CHD1: variants seen among roughly 807,000 people sequenced by gnomAD.
The protein encoded by CHD1 is chromodomain helicase DNA binding protein 1.
In CHD1, 36 loss-of-function variants were observed where a neutral mutation model predicts 224.2. The observed-to-expected ratio is 0.16, with a 90% CI of 0.12 to 0.21. The LOEUF is 0.21. Ranked by LOEUF, CHD1 falls within the 10% of genes least tolerant of loss-of-function variation. The pLI, the probability that CHD1 is intolerant of heterozygous loss-of-function variation, is 1.00. For missense variants in CHD1, 1,378 were observed against 1,994.8 expected, an observed-to-expected ratio of 0.69 and a Z score of 5.89; for synonymous variants, 668 against 658.3, an observed-to-expected ratio of 1.01 and a Z score of -0.23.
rs374390780 is a variant in CHD1 at position 98,883,240 on chromosome 5, G to A, written c.2569-3C>T. 6.0e-5 allele frequency: 94 copies of A among 1,570,746 alleles called. No homozygotes were observed. Among genetic ancestry groups the A allele is most frequent in the Non-Finnish European group, 7.8e-5 (91 of 1,164,450 alleles). On this transcript the variant is annotated splice_polypyrimidine_tract_variant and splice_region_variant and intron_variant, in intron 18 of 35. Coordinates refer to ENST00000614616, the MANE Select transcript of CHD1 (RefSeq NM_001270.4). ...GTGGACAGCAAAAAGCAAAAATCCT[G>A]TAAGAAATTGAATAATCAAAATGAA... is the stretch of plus-strand genomic sequence containing the variant.
intron 17 of CHD1, 153 bp from the exon 18 acceptor site, chr5:98,885,802 C>A: frequency 3.5e-6 from 2 of 575,296 alleles, no homozygotes; most frequent in Non-Finnish European, 6.2e-6. Flanking sequence ...AATGCTCAGG[C>A]ATTCTGTCTT....
At position 98,905,018 on chromosome 5, in the gene CHD1, C is replaced by T. The variant is rs1468517171; in HGVS notation, c.134G>A (p.Ser45Asn). The T allele has an allele frequency of 1.0e-5, 16 of 1,558,782 alleles. No homozygotes were observed. In the East Asian group the frequency reaches 3.1e-4, roughly 31 times the overall value. The change falls in exon 3 of 36, where the codon AGC becomes AAC. Residue 45 changes from serine (S) to asparagine (N), a missense_variant. Physicochemically the swap from Ser to Asn is conservative, Grantham distance 46. Around this residue, in one of 16 missense-constraint regions of CHD1, gnomAD observed 306 missense variants for 298.1 expected, o/e 1.03. Coordinates refer to ENST00000614616, the MANE Select transcript of CHD1 (RefSeq NM_001270.4). ...GTCAGAGTCACTGCTACCTGACTGG[C>T]TACTGCTTCCATCACTACTGCTTCC... The part of the protein sequence containing the change: ...SSGSSSDGSS[S>N]QSGSSDSDSG...
In CHD1 at chr5:98,928,701, G is replaced by C. The variant is rs1035821167; in HGVS notation, c.-311C>G. 1.3e-5 allele frequency: 2 copies of C among 153,874 alleles called. No homozygotes were observed. Among genetic ancestry groups the C allele is most frequent in the Admixed American group, 6.5e-5 (1 of 15,280 alleles). 9.5% of individuals were successfully genotyped at this position (153,874 alleles called of 1,614,324 possible). ...GGACAGACGCGGAGGGGAAGGGGAA[G>C]CCCCGGTCCGCAGCACCAACGCGCG... On this transcript the variant is annotated 5_prime_UTR_variant, in exon 1 of 36. Coordinates refer to ENST00000614616, the MANE Select transcript of CHD1 (RefSeq NM_001270.4).
In CHD1 at chr5:98,885,663, CATTAA is replaced by C. The variant is rs1580427377; in HGVS notation, c.2497-19_2497-15del. 3 of 1,388,192 alleles carry C rather than the reference CATTAA, an allele frequency of 2.2e-6. No homozygotes were observed. Among genetic ancestry groups the C allele is most frequent in the Non-Finnish European group, 3.0e-6 (3 of 1,001,246 alleles). 86.0% of individuals were successfully genotyped at this position (1,388,192 alleles called of 1,614,324 possible). A position where few individuals can be genotyped will look rare whatever the true frequency, so the allele number is the denominator to read the frequency against. On this transcript the variant is annotated splice_polypyrimidine_tract_variant and intron_variant, in intron 17 of 35. Transcript: ENST00000614616. Reference sequence around the variant, plus strand: ...TCCATCTAATCTCTAGAAAAAAACACATTAAAATACTGCATAAACAGAATCAAAGT... The same window carrying C: ...TCCATCTAATCTCTAGAAAAAAACACAATACTGCATAAACAGAATCAAAGT...
At chr5:98,869,578 AATT>A in intron 30 of CHD1, 173 bp downstream of exon 30, 1 of 641,466 alleles carries the variant, frequency 1.6e-6, no homozygotes, top group East Asian at 3.0e-5. Flanking sequence ...TCTGTTCTAT[AATT>A]GAGACTGTTA....
At chr5:98,905,434 G>C (rs1240814496) in intron 2 of CHD1, among the ~76,000 whole-genome samples, 1 of 152,170 alleles carries the variant, frequency 6.6e-6, no homozygotes, top group African/African-American at 2.4e-5. Flanking sequence ...GAAACTTTGA[G>C]AAGTCAAGAA....
intron 16 of CHD1, among the ~76,000 whole-genome samples, chr5:98,888,486 ACT>A (rs1457493067): frequency 1.3e-5 from 2 of 152,120 alleles, no homozygotes; most frequent in South Asian, 2.1e-4. Flanking sequence ...AGTACTGTTC[ACT>A]CTGTTTGCTA....
intron 23 of CHD1, among the ~76,000 whole-genome samples, chr5:98,877,906 A>G (rs968356969): frequency 8.5e-5 from 13 of 152,214 alleles, no homozygotes; most frequent in Non-Finnish European, 4.4e-5. Flanking sequence ...GTACAAAATC[A>G]TAATTTTTCT....
At chr5:98,898,827 C>A in intron 8 of CHD1, 63 bp from the exon 9 acceptor site, 1 of 874,332 alleles carries the variant, frequency 1.1e-6, no homozygotes, top group Non-Finnish European at 1.9e-6. Context: ...TTCACTCCCC[C>A]ATCCCCAACA....
chr5:98,906,180 G>T, intron 2 of CHD1, among the ~76,000 whole-genome samples: 1 of 152,070 alleles, frequency 6.6e-6, no homozygotes, highest in East Asian at 1.9e-4. Flanking sequence ...CTACAGGTGA[G>T]ATATATAAAT....
chr5:98,871,353 T>C (rs987990505), intron 28 of CHD1, among the ~76,000 whole-genome samples: 5 of 118,150 alleles, frequency 4.2e-5, no homozygotes, highest in African/African-American at 1.7e-4. Flanking sequence ...GTTCTCCCAG[T>C]GTTTCCCATT....
intron 2 of CHD1, among the ~76,000 whole-genome samples, chr5:98,911,332 G>T (rs922686338): frequency 6.6e-6 from 1 of 151,594 alleles, no homozygotes. Flanking sequence ...CTGTGCTGAT[G>T]ACAGAAACAG....
At chr5:98,860,732 T>C (rs1748405608) in intron 32 of CHD1, 1 of 152,924 alleles carries the variant, frequency 6.5e-6, no homozygotes, top group African/African-American at 2.4e-5. Flanking sequence ...AAAGGAATGT[T>C]AGGTTCTAAG....
At chr5:98,912,593 C>T (rs1054411322) in intron 2 of CHD1, among the ~76,000 whole-genome samples, 3 of 152,072 alleles carry the variant, frequency 2.0e-5, no homozygotes, top group African/African-American at 7.2e-5. Flanking sequence ...ATCACTAGAA[C>T]CCAGGAGGCA....
chr5:98,895,246 C>T (rs1370821293), intron 12 of CHD1, among the ~76,000 whole-genome samples: 5 of 150,636 alleles, frequency 3.3e-5, no homozygotes, highest in African/African-American at 7.5e-5. Context: ...ACGAAAAGGT[C>T]TTATTTAAGA....
intron 31 of CHD1, among the ~76,000 whole-genome samples, chr5:98,864,520 A>AAAAG (rs1748714854): frequency 1.0e-5 from 1 of 99,892 alleles, no homozygotes; most frequent in African/African-American, 3.7e-5. Context: ...TCTATACCAA[A>AAAAG]AAAAAAAAAA....
Position 98,897,070 on chromosome 5 carries a change from C to T in CHD1, c.1493+123G>A, listed in dbSNP as rs1283900226. 3 of 853,860 alleles carry T rather than the reference C, an allele frequency of 3.5e-6. No individual in the cohort carries two copies. In the African/African-American group the frequency reaches 5.2e-5, roughly 15 times the overall value. The allele number at this position is 853,860 out of a possible 1,614,324, so 52.9% of individuals were successfully genotyped here. On this transcript the variant is annotated intron_variant, in intron 11 of 35. Coordinates refer to ENST00000614616, the MANE Select transcript of CHD1 (RefSeq NM_001270.4). ...TATTGTTTATACAAACTAGGAAATA[C>T]AAAGACTAGCATATAAACTGCCAAA...
chr5:98,889,134 C>G lies in CHD1; in HGVS notation c.2285G>C (p.Cys762Ser). The G allele has an allele frequency of 6.2e-7, 1 of 1,605,960 alleles. No homozygotes were observed. The highest frequency in any genetic ancestry group is 8.5e-7 in the Non-Finnish European group (1 of 1,173,096). ...ATTATCTGGTGGTTTAATGAGGTAG[C>G]AATGGTTACAACATTTCTTTAGCTC... The part of the protein sequence containing the change: ...MMELKKCCNH[C>S]YLIKPPDNNE... Residue 762 changes from cysteine to serine, a missense_variant, in exon 16 of 36, where the codon TGC (cysteine) becomes TCC (serine). By Grantham distance (112) the Cys-to-Ser change is moderately radical (BLOSUM62 -1). Around this residue, in one of 16 missense-constraint regions of CHD1, gnomAD observed 58 missense variants for 90.0 expected, o/e 0.64. Coordinates refer to ENST00000614616, the MANE Select transcript of CHD1 (RefSeq NM_001270.4).
At position 98,928,994 on chromosome 5, in the gene CHD1, A is replaced by G. The variant is rs886761877; in HGVS notation, c.-604T>C. The G allele has an allele frequency of 2.6e-5, 4 of 151,832 alleles. No homozygotes were observed. Among genetic ancestry groups the G allele is most frequent in the Non-Finnish European group, 5.9e-5 (4 of 67,958 alleles). 9.4% of individuals were successfully genotyped at this position (151,832 alleles called of 1,614,324 possible). ...GCGCCTCTGCTCACTCCCCTTCCCGACAGAGCGCGAGGCGGGCGGGCGCGC... is the reference window on the plus strand; with the variant it reads ...GCGCCTCTGCTCACTCCCCTTCCCGGCAGAGCGCGAGGCGGGCGGGCGCGC... On this transcript the variant is annotated 5_prime_UTR_variant, in exon 1 of 36. Coordinates refer to ENST00000614616, the MANE Select transcript of CHD1 (RefSeq NM_001270.4).
Sources: gnomAD v4.1 joint callset for allele counts (sites outside exome capture counted in the v4.1 genomes callset) on GRCh38, gnomAD v4.1.1 for gene constraint, gnomAD v4.1.1 regional missense constraint, MANE v1.5 for transcripts, NCBI Gene and HGNC (gene_info 2026-07-23, HGNC 2026-07-21) for gene names.